The following MTUS2 variants were observed in gnomAD, a reference collection of about 807,000 sequenced individuals.
The protein encoded by MTUS2 is microtubule associated scaffold protein 2.
MTUS2 carries 40 observed loss-of-function variants against 114.1 expected under a neutral mutation model. The ratio of observed to expected loss-of-function variants is 0.35; its 90% CI spans 0.27 to 0.46. The LOEUF (loss-of-function observed/expected upper bound fraction) is 0.46, where lower values mean the gene tolerates loss of function less well. Among genes scored for constraint, MTUS2 ranks in the 20% least tolerant of loss-of-function variants. MTUS2 has a pLI of 1.00. For synonymous variants in MTUS2, 688 were observed against 672.0 expected, an observed-to-expected ratio of 1.02 and a Z score of -0.37; for missense variants, 1,679 against 1,705.4, an observed-to-expected ratio of 0.98 and a Z score of 0.27.
Position 29,037,798 on chromosome 13 carries a change from C to T in MTUS2, c.2446+3673C>T, listed in dbSNP as rs182546808. On this transcript the variant is annotated intron_variant, in intron 4 of 15. Transcript: ENST00000612955. ...TCTGATATCCTTTCTTCCACTTGAT[C>T]GATTCAGCTATTGATACTTGTGTAT... Among the ~76,000 whole-genome samples the T allele has an allele frequency of 1.3e-3, 195 of 152,224 alleles. 3 individuals carry two copies. Among genetic ancestry groups the T allele is most frequent in the African/African-American group, 4.3e-3 (177 of 41,538 alleles).
At chr13:29,481,799 C>T (rs1459001150) in intron 10 of MTUS2, among the ~76,000 whole-genome samples, 2 of 152,154 alleles carry the variant, frequency 1.3e-5, no homozygotes, top group African/African-American at 4.8e-5. Flanking sequence ...TTCCTAGAGG[C>T]CTATAAAAGC....
At position 28,983,965 on chromosome 13, in the gene MTUS2, C is replaced by CGAG. The variant is rs1161597767; in HGVS notation, c.-242-40492_-242-40491insGAG. On this transcript the variant is annotated intron_variant, in intron 2 of 15. Transcript: ENST00000612955. Reference sequence around the variant, plus strand: ...GCTCTCTTGCTTTGCTCTGGATTCTCTGTCTCTCCACTCTCTGCTTATGTG... The same window carrying CGAG: ...GCTCTCTTGCTTTGCTCTGGATTCTCGAGTGTCTCTCCACTCTCTGCTTATGTG... Among the ~76,000 whole-genome samples the CGAG allele has an allele frequency of 2.0e-5, 3 of 152,382 alleles. No homozygotes were observed. The East Asian group carries it at 5.8e-4, about 29-fold the overall frequency.
intron 15 of MTUS2, 39 bp downstream of exon 15, chr13:29,501,233 C>T (rs1171186343): frequency 2.0e-6 from 3 of 1,481,892 alleles, no homozygotes; most frequent in South Asian, 1.1e-5. Context: ...TGACTTTCCT[C>T]TTGAGCTTCT....
intron 2 of MTUS2, among the ~76,000 whole-genome samples, chr13:28,991,410 C>A (rs911993106): frequency 6.6e-6 from 1 of 151,584 alleles, no homozygotes; most frequent in East Asian, 1.9e-4. Flanking sequence ...GCTCTGCCAC[C>A]CAGGCTGGAG....
chr13:29,024,809 C>T lies in MTUS2; in HGVS notation c.111C>T (p.Ala37=). ...ESILSLGDTN[A]NQIMLEVSSS... ...TCTTAAGTCTGGGAGATACGAATGC[C>T]AATCAAATCATGTTGGAGGTCAGCT... Residue 37 remains alanine, a synonymous_variant, in exon 3 of 16, where the codon GCC becomes GCT. Coordinates refer to ENST00000612955, the MANE Select transcript of MTUS2 (RefSeq NM_001033602.4). The T allele has an allele frequency of 6.2e-7, 1 of 1,613,928 alleles. No homozygotes were observed. Among genetic ancestry groups the T allele is most frequent in the Non-Finnish European group, 8.5e-7 (1 of 1,179,884 alleles).
chr13:29,036,916 A>G (rs1400044235), intron 4 of MTUS2, among the ~76,000 whole-genome samples: 3 of 151,128 alleles, frequency 2.0e-5, no homozygotes, highest in African/African-American at 7.3e-5. Context: ...TACACGTGAG[A>G]TGGGTCTCCT....
intron 6 of MTUS2, among the ~76,000 whole-genome samples, chr13:29,303,970 G>A (rs977738690): frequency 6.6e-6 from 1 of 152,172 alleles, no homozygotes; most frequent in Non-Finnish European, 1.5e-5. Context: ...AGAAGAGTTT[G>A]GAGGCCAATA....
intron 5 of MTUS2, among the ~76,000 whole-genome samples, chr13:29,170,530 A>G (rs1465913966): frequency 6.6e-6 from 1 of 152,248 alleles, no homozygotes; most frequent in Non-Finnish European, 1.5e-5. Flanking sequence ...TTTTAATCAG[A>G]TGACATGATT....
At chr13:28,934,680 T>C (rs1225712787) in intron 2 of MTUS2, among the ~76,000 whole-genome samples, 2 of 152,268 alleles carry the variant, frequency 1.3e-5, no homozygotes, top group East Asian at 3.9e-4. Context: ...TGTGCCACCA[T>C]GCCTTGCTAA....
In MTUS2 at chr13:29,136,613, A is replaced by C. The variant is rs146490212; in HGVS notation, c.2644+35643A>C. On this transcript the variant is annotated intron_variant, in intron 5 of 15. Transcript: ENST00000612955. Reference sequence around the variant, plus strand: ...ATAAAAGTCCAAAAGGACTGGTCTCAGGGAGTTTCTGGATAGCTGAACACA... The same window carrying C: ...ATAAAAGTCCAAAAGGACTGGTCTCCGGGAGTTTCTGGATAGCTGAACACA... Among the ~76,000 whole-genome samples, 372 of 152,316 alleles carry C rather than the reference A, an allele frequency of 2.4e-3. 1 individual carries two copies. Among genetic ancestry groups the C allele is most frequent in the African/African-American group, 8.7e-3 (362 of 41,578 alleles).
intron 1 of MTUS2, among the ~76,000 whole-genome samples, chr13:28,825,588 C>A (rs781286061): frequency 6.6e-6 from 1 of 152,192 alleles, no homozygotes; most frequent in Non-Finnish European, 1.5e-5. Flanking sequence ...CACACACACA[C>A]ACCCCTGGCA....
At chr13:29,018,381 A>T (rs1458181220) in intron 2 of MTUS2, among the ~76,000 whole-genome samples, 1 of 152,172 alleles carries the variant, frequency 6.6e-6, no homozygotes, top group Non-Finnish European at 1.5e-5. Context: ...GCTGTATTGC[A>T]CCAAAAAAAC....
chr13:29,140,069 G>A (rs1389154653), intron 5 of MTUS2, among the ~76,000 whole-genome samples: 1 of 152,100 alleles, frequency 6.6e-6, no homozygotes, highest in Non-Finnish European at 1.5e-5. Context: ...GAGAAACTGC[G>A]CTGAGGGCTG....
Position 29,326,839 on chromosome 13 carries a change from G to A in MTUS2, c.2905+2128G>A, listed in dbSNP as rs150298286. On this transcript the variant is annotated intron_variant, in intron 7 of 15. Transcript: ENST00000612955. ...CTGCTAAAATACAAAAATTAGCCAGGTGTGGTGGTGCGTGCCTGTAGTCCC... is the reference window on the plus strand; with the variant it reads ...CTGCTAAAATACAAAAATTAGCCAGATGTGGTGGTGCGTGCCTGTAGTCCC... 4.7e-3 allele frequency among the ~76,000 whole-genome samples: 709 copies of A among 152,188 alleles called. 6 individuals are homozygous for A. The highest frequency in any genetic ancestry group is 0.016 in the African/African-American group (663 of 41,528).
chr13:29,297,239 A>G (rs1898987652), intron 6 of MTUS2, among the ~76,000 whole-genome samples: 1 of 152,192 alleles, frequency 6.6e-6, no homozygotes, highest in South Asian at 2.1e-4. Flanking sequence ...TTTGTCTTAC[A>G]TGTAATATTC....
chr13:29,357,045 A>G (rs1479755886), intron 7 of MTUS2, among the ~76,000 whole-genome samples: 1 of 152,202 alleles, frequency 6.6e-6, no homozygotes, highest in Non-Finnish European at 1.5e-5. Context: ...GTTCAGTAGA[A>G]CACTGGAATT....
At chr13:29,377,415 A>G (rs894023874) in intron 8 of MTUS2, among the ~76,000 whole-genome samples, 2 of 152,196 alleles carry the variant, frequency 1.3e-5, no homozygotes, top group African/African-American at 4.8e-5. Flanking sequence ...ACTTTGTTGT[A>G]CAAAAAAGAT....
At chr13:29,098,463 CACACAT>C (rs949642966) in intron 4 of MTUS2, among the ~76,000 whole-genome samples, 4 of 94,814 alleles carry the variant, frequency 4.2e-5, no homozygotes, top group African/African-American at 1.4e-4. Context: ...CACACACACA[CACACAT>C]GTGCGTGCAT....
chr13:29,012,421 A>G lies in MTUS2; in HGVS notation c.-242-12036A>G, dbSNP rs544493269. On this transcript the variant is annotated intron_variant, in intron 2 of 15. Transcript: ENST00000612955. ...CAGCGTGTCCACATTGCAGAGGAGAATAAGGCCATCGGATTTGTGGTAGGA... is the reference window on the plus strand; with the variant it reads ...CAGCGTGTCCACATTGCAGAGGAGAGTAAGGCCATCGGATTTGTGGTAGGA... Among the ~76,000 whole-genome samples the G allele has an allele frequency of 9.2e-5, 14 of 152,296 alleles. No individual in the cohort carries two copies. In the South Asian group the frequency reaches 2.9e-3, roughly 32 times the overall value.
Sources: allele counts gnomAD v4.1 joint callset (sites outside exome capture counted in the v4.1 genomes callset), GRCh38; gene constraint gnomAD v4.1.1; transcripts MANE v1.5; gene names NCBI Gene and HGNC (gene_info 2026-07-23, HGNC 2026-07-21).